The following DNAAF4 variants were observed in gnomAD, a reference collection of about 807,000 sequenced individuals.
DNAAF4 encodes the protein dynein assembly factor 4, axonemal.
DNAAF4 carries 43 observed loss-of-function variants against 51.8 expected under a neutral mutation model. That is an observed-to-expected ratio of 0.83 (90% CI 0.65 to 1.07). The LOEUF (loss-of-function observed/expected upper bound fraction) is 1.07. DNAAF4 is among the 50% of genes least tolerant of loss of function. DNAAF4 has a pLI of 0.00. For synonymous variants in DNAAF4, 194 were observed against 165.6 expected (o/e 1.17, Z -1.32); for missense variants, 581 against 493.0 (o/e 1.18, Z -1.69).
At chr15:55,473,321 G>GTGTGTATATATA (rs1567023560) in intron 4 of DNAAF4, among the ~76,000 whole-genome samples, 61 of 130,600 alleles carry the variant, frequency 4.7e-4, no homozygotes, top group African/African-American at 1.7e-3. Context: ...GTATATATGT[G>GTGTGTATATATA]TGTATATATA....
chr15:55,418,581 C>A, intron 7 of DNAAF4: 1 of 1,393,318 alleles, frequency 7.2e-7, no homozygotes, highest in South Asian at 1.4e-5. Context: ...AAATATATTC[C>A]TTTGTATATT....
intron 6 of DNAAF4, among the ~76,000 whole-genome samples, chr15:55,439,985 G>C (rs542230723): frequency 3.3e-5 from 5 of 152,220 alleles, no homozygotes; most frequent in African/African-American, 1.2e-4. Context: ...AGAAATGACT[G>C]TTTATTGTTT....
intron 6 of DNAAF4, among the ~76,000 whole-genome samples, chr15:55,442,066 T>C (rs2057722849): frequency 1.3e-5 from 2 of 152,200 alleles, no homozygotes; most frequent in Admixed American, 1.3e-4. Context: ...TACACATTTA[T>C]TTCTCCAGTC....
At chr15:55,486,295 G>A (rs1341809702) in intron 4 of DNAAF4, among the ~76,000 whole-genome samples, 1 of 151,394 alleles carries the variant, frequency 6.6e-6, no homozygotes, top group Admixed American at 6.6e-5. Context: ...CTGGGTTCCA[G>A]CCATTCTCCT....
chr15:55,419,128 G>T (rs902327022), intron 7 of DNAAF4, among the ~76,000 whole-genome samples: 1 of 152,116 alleles, frequency 6.6e-6, no homozygotes, highest in Non-Finnish European at 1.5e-5. Flanking sequence ...CTGTTAGCTA[G>T]GATGGTCTCA....
intron 4 of DNAAF4, among the ~76,000 whole-genome samples, chr15:55,479,426 A>T (rs563722274): frequency 2.0e-5 from 3 of 152,228 alleles, no homozygotes; most frequent in African/African-American, 7.2e-5. Context: ...CTGAGGATGT[A>T]TGTCACCTCA....
downstream of DNAAF4, among the ~76,000 whole-genome samples, chr15:55,428,068 T>C (rs961150467): frequency 1.3e-5 from 2 of 152,158 alleles, no homozygotes; most frequent in African/African-American, 4.8e-5. Flanking sequence ...TTCTCCTGCC[T>C]CAGCCTCCCA....
intron 4 of DNAAF4, among the ~76,000 whole-genome samples, chr15:55,469,278 C>T (rs942197220): frequency 4.0e-5 from 6 of 149,406 alleles, no homozygotes; most frequent in Non-Finnish European, 8.9e-5. Context: ...TGCAGTGAGC[C>T]GAGATAAAGC....
intron 5 of DNAAF4, among the ~76,000 whole-genome samples, chr15:55,459,190 G>C (rs954941260): frequency 1.3e-5 from 2 of 152,018 alleles, no homozygotes; most frequent in South Asian, 2.1e-4. Flanking sequence ...GAAGGGATGG[G>C]GGTCCTATCT....
rs1454313826 is a variant in DNAAF4, at chr15:55,445,776, G to C, written c.783+4446C>G. Reference sequence around the variant, plus strand: ...CGCTCCCCACTTCCCAGACGGGGTGGCCGGGCAGAGGCGCTCCCCGCTTCC... The same window carrying C: ...CGCTCCCCACTTCCCAGACGGGGTGCCCGGGCAGAGGCGCTCCCCGCTTCC... On this transcript the variant is annotated intron_variant, in intron 6 of 9. Transcript: ENST00000321149. 4.0e-5 allele frequency among the ~76,000 whole-genome samples: 6 copies of C among 150,194 alleles called. No homozygotes were observed. In the East Asian group the frequency reaches 1.2e-3, roughly 30 times the overall value.
chr15:55,466,795 C>T, intron 5 of DNAAF4, 135 bp downstream of exon 5: 1 of 1,036,918 alleles, frequency 9.6e-7, no homozygotes, highest in East Asian at 2.8e-5. Context: ...TTACTTTAGT[C>T]TTTGTACTGA....
chr15:55,439,694 G>T, intron 6 of DNAAF4, 113 bp from the exon 7 acceptor site: 1 of 851,596 alleles, frequency 1.2e-6, no homozygotes. Flanking sequence ...GCTATGCACT[G>T]AGTGTTTGTG....
intron 9 of DNAAF4, 40 bp downstream of exon 9, chr15:55,432,457 G>A (rs765042890): frequency 1.3e-6 from 2 of 1,510,578 alleles, no homozygotes; most frequent in East Asian, 2.3e-5. Flanking sequence ...TTTTTTCAGA[G>A]TATAACTTGG....
At chr15:55,486,135 T>A (rs1269115301) in intron 4 of DNAAF4, among the ~76,000 whole-genome samples, 1 of 151,214 alleles carries the variant, frequency 6.6e-6, no homozygotes, top group Admixed American at 6.6e-5. Flanking sequence ...CCTCAATCTC[T>A]CCCTTTCTGT....
chr15:55,423,444 T>G (rs1207339601), intron 7 of DNAAF4, among the ~76,000 whole-genome samples: 1 of 152,094 alleles, frequency 6.6e-6, no homozygotes, highest in East Asian at 1.9e-4. Context: ...ACTCCTGGGC[T>G]CAAGTTATCC....
rs375954654 is a variant in DNAAF4 at position 55,457,766 on chromosome 15, C to A, written c.638-7399G>T. The stretch of plus-strand genomic sequence containing the variant: ...TAACCAGTACTTGAAGTGCACTAAA[C>A]AAAATTACAACAAAAGACTCCAACA... On this transcript the variant is annotated intron_variant, in intron 5 of 9. Transcript: ENST00000321149. Among the ~76,000 whole-genome samples, 18 of 152,278 alleles carry A rather than the reference C, an allele frequency of 1.2e-4. 1 individual carries two copies. The highest frequency in any genetic ancestry group is 7.2e-4 in the Admixed American group (11 of 15,284).
At chr15:55,465,713 T>C (rs1184932682) in intron 5 of DNAAF4, among the ~76,000 whole-genome samples, 1 of 152,034 alleles carries the variant, frequency 6.6e-6, no homozygotes, top group African/African-American at 2.4e-5. Flanking sequence ...ATTACAGATA[T>C]GTGCCACCAC....
downstream of DNAAF4, among the ~76,000 whole-genome samples, chr15:55,428,325 G>A (rs2057450662): frequency 6.6e-6 from 1 of 152,022 alleles, no homozygotes; most frequent in Admixed American, 6.6e-5. Context: ...GCAAGAAGGA[G>A]GTCGGCTTTG....
intron 4 of DNAAF4, among the ~76,000 whole-genome samples, chr15:55,469,310 A>G (rs2058215124): frequency 1.3e-5 from 2 of 151,506 alleles, no homozygotes; most frequent in East Asian, 2.0e-4. Context: ...AACCTGGGGG[A>G]CAAGAGCGAG....
Sources: gnomAD v4.1 joint callset for allele counts (sites outside exome capture counted in the v4.1 genomes callset) on GRCh38, gnomAD v4.1.1 for gene constraint, MANE v1.5 for transcripts, NCBI Gene and HGNC (gene_info 2026-07-23, HGNC 2026-07-21) for gene names.